Variants in PKIA observed in about 807,000 individuals in gnomAD.
PKIA encodes cAMP-dependent protein kinase inhibitor alpha, also known as PKI-alpha.
Under a neutral mutation model 7.6 loss-of-function variants are expected in PKIA, and 4 were observed. The observed-to-expected ratio is 0.52, with a 90% CI of 0.26 to 1.20. The LOEUF (loss-of-function observed/expected upper bound fraction) is 1.20. Among genes scored for constraint, PKIA ranks in the 50% most tolerant of loss-of-function variants. PKIA has a pLI of 0.13. For missense variants in PKIA, 73 were observed against 86.2 expected (o/e 0.85, Z 0.61); for synonymous variants, 21 against 30.7 (o/e 0.68, Z 1.04).
At chr8:78,519,001 T>C (rs932091408) in intron 1 of PKIA, among the ~76,000 whole-genome samples, 19 of 152,146 alleles carry the variant, frequency 1.2e-4, no homozygotes, top group South Asian at 8.3e-4. Flanking sequence ...TATCCTTTCC[T>C]TAAAATGTTT....
At chr8:78,540,153 G>A (rs1310040859) in intron 1 of PKIA, among the ~76,000 whole-genome samples, 1 of 151,582 alleles carries the variant, frequency 6.6e-6, no homozygotes, top group African/African-American at 2.4e-5. Context: ...GGCAATAAAA[G>A]GGTGTAACTT....
At chr8:78,568,350 C>A (rs1807466853) in intron 1 of PKIA, among the ~76,000 whole-genome samples, 2 of 152,114 alleles carry the variant, frequency 1.3e-5, no homozygotes, top group African/African-American at 4.8e-5. Flanking sequence ...ACCTTGTGAA[C>A]CCTTAGGAAG....
chr8:78,520,369 A>G (rs1809393574), intron 1 of PKIA, among the ~76,000 whole-genome samples: 1 of 152,206 alleles, frequency 6.6e-6, no homozygotes, highest in Admixed American at 6.5e-5. Flanking sequence ...CCAATCTTTA[A>G]TGAAGACATT....
chr8:78,533,627 T>A (rs960956975), intron 1 of PKIA, among the ~76,000 whole-genome samples: 1 of 151,920 alleles, frequency 6.6e-6, no homozygotes, highest in Non-Finnish European at 1.5e-5. Context: ...AAGACTGAGA[T>A]GGAGGAGTGC....
rs73241233 is a variant in PKIA at position 78,525,038 on chromosome 8, C to T, written c.-157+8570C>T. 9.9e-3 allele frequency among the ~76,000 whole-genome samples: 1,503 copies of T among 151,712 alleles called. 23 individuals carry two copies. The highest frequency in any genetic ancestry group is 0.034 in the African/African-American group (1,426 of 41,386). ...AATTATGGATAGAACTACCCTCTTC[C>T]CTGGTTCTTTTAAAACCATACTTTC... On this transcript the variant is annotated intron_variant, in intron 1 of 3. Transcript: ENST00000396418.
intron 1 of PKIA, among the ~76,000 whole-genome samples, chr8:78,551,603 G>C (rs1806984603): frequency 6.6e-6 from 1 of 151,926 alleles, no homozygotes; most frequent in African/African-American, 2.4e-5. Context: ...AATAAAAATA[G>C]AATCTATGCA....
rs145786590 is a variant in PKIA at position 78,593,895 on chromosome 8, T to C, written c.-27-4463T>C. Among the ~76,000 whole-genome samples, 14 of 152,318 alleles carry C rather than the reference T, an allele frequency of 9.2e-5. No homozygotes were observed. The East Asian group carries it at 2.7e-3, about 29-fold the overall frequency. ...GACTGAAGTAGATGAATTTTTAGGA[T>C]TTAGTAATTTAGTACAATCAGGAAG... On this transcript the variant is annotated intron_variant, in intron 2 of 3. Coordinates refer to ENST00000396418, the MANE Select transcript of PKIA (RefSeq NM_006823.4).
chr8:78,600,354 T>C (rs1808324449), intron 3 of PKIA, among the ~76,000 whole-genome samples: 1 of 152,110 alleles, frequency 6.6e-6, no homozygotes, highest in Non-Finnish European at 1.5e-5. Context: ...TATTGTTGCT[T>C]CATGTTTACC....
chr8:78,542,973 A>G (rs1017332259), intron 1 of PKIA, among the ~76,000 whole-genome samples: 3 of 152,154 alleles, frequency 2.0e-5, no homozygotes, highest in African/African-American at 7.2e-5. Context: ...TTCAGAAATG[A>G]AGAGAACCAA....
chr8:78,577,722 A>G (rs1807708662), intron 2 of PKIA, among the ~76,000 whole-genome samples: 1 of 152,042 alleles, frequency 6.6e-6, no homozygotes, highest in Non-Finnish European at 1.5e-5. Context: ...TATTCCTGAT[A>G]TGCTGTAATA....
intron 2 of PKIA, among the ~76,000 whole-genome samples, chr8:78,578,549 T>TTC (rs72538530): frequency 0.99 from 149,988 of 151,924 alleles, 74,051 homozygotes; most frequent in Middle Eastern, 1. Flanking sequence ...CATTATTTTT[T>TTC]TGTTTGCTAA....
chr8:78,591,534 G>C (rs976883243), intron 2 of PKIA, among the ~76,000 whole-genome samples: 1 of 152,136 alleles, frequency 6.6e-6, no homozygotes, highest in Non-Finnish European at 1.5e-5. Context: ...AGAAAAGAGA[G>C]AGCAAGATTA....
chr8:78,566,334 G>T (rs551431925), intron 1 of PKIA, among the ~76,000 whole-genome samples: 1 of 152,110 alleles, frequency 6.6e-6, no homozygotes, highest in African/African-American at 2.4e-5. Context: ...GATGGTGAGT[G>T]ATCTCTGAGT....
intron 2 of PKIA, among the ~76,000 whole-genome samples, chr8:78,595,225 A>G (rs1295454288): frequency 6.6e-6 from 1 of 152,240 alleles, no homozygotes; most frequent in South Asian, 2.1e-4. Context: ...TAAAAAAACT[A>G]CATAAAGTAG....
Position 78,601,645 on chromosome 8 carries a change from G to A in PKIA, c.152-97G>A, listed in dbSNP as rs1808349575. On this transcript the variant is annotated intron_variant, in intron 3 of 3. Transcript: ENST00000396418. ...TCCTTCAAGGTTTCAGGCCTATTTA[G>A]TATTTCTGAAGTTACCAATATGACA... The A allele has an allele frequency of 3.4e-6, 3 of 891,026 alleles. No individual in the cohort carries two copies. The South Asian group carries it at 4.4e-5, about 13-fold the overall frequency. 55.2% of individuals were successfully genotyped at this position (891,026 alleles called of 1,614,324 possible). A position where few individuals can be genotyped will look rare whatever the true frequency, so the allele number is the denominator to read the frequency against.
chr8:78,570,519 C>A (rs1234364264), intron 1 of PKIA, among the ~76,000 whole-genome samples: 4 of 152,136 alleles, frequency 2.6e-5, no homozygotes, highest in Non-Finnish European at 5.9e-5. Flanking sequence ...AACAATCAAG[C>A]CCCAGTATTT....
At chr8:78,585,664 A>C (rs967426) in intron 2 of PKIA, among the ~76,000 whole-genome samples, 7 of 151,856 alleles carry the variant, frequency 4.6e-5, no homozygotes, top group Admixed American at 4.6e-4. Context: ...TTGAAACATG[A>C]TCATAGCAAC....
At chr8:78,577,228 T>A (rs1437242317) in intron 2 of PKIA, among the ~76,000 whole-genome samples, 1 of 151,928 alleles carries the variant, frequency 6.6e-6, no homozygotes, top group Non-Finnish European at 1.5e-5. Context: ...TTACATTAGG[T>A]ATATCTCCTA....
intron 1 of PKIA, among the ~76,000 whole-genome samples, chr8:78,520,056 A>G (rs931831877): frequency 6.6e-6 from 1 of 152,180 alleles, no homozygotes; most frequent in Non-Finnish European, 1.5e-5. Flanking sequence ...GGGTCTGGGA[A>G]TAAGTTTTTA....
Sources: allele counts gnomAD v4.1 joint callset (sites outside exome capture counted in the v4.1 genomes callset), GRCh38; gene constraint gnomAD v4.1.1; transcripts MANE v1.5; gene names NCBI Gene and HGNC (gene_info 2026-07-23, HGNC 2026-07-21).